The following CAMKK1 variants were observed in gnomAD, a reference collection of about 807,000 sequenced individuals.
CAMKK1 encodes calcium/calmodulin dependent protein kinase kinase 1.
Under a neutral mutation model 63.5 loss-of-function variants are expected in CAMKK1, and 20 were observed. The observed-to-expected ratio is 0.32, with a 90% CI of 0.22 to 0.46. The LOEUF is 0.46. CAMKK1 is among the 20% of genes least tolerant of loss of function. The probability of loss-of-function intolerance (pLI) is 1.00; values close to 1 mark genes in which losing one functional copy is unlikely to be tolerated. For synonymous variants in CAMKK1, 253 were observed against 269.0 expected, an observed-to-expected ratio of 0.94 and a Z score of 0.58; for missense variants, 588 against 658.1, an observed-to-expected ratio of 0.89 and a Z score of 1.17.
intron 1 of CAMKK1, among the ~76,000 whole-genome samples, chr17:3,891,058 C>T (rs7216488): frequency 0.36 from 53,996 of 150,550 alleles, 10,399 homozygotes; most frequent in African/African-American, 0.51. Context: ...TCCAGGAACT[C>T]GGAATGTCAT....
At chr17:3,864,219 A>G (rs1174871726) in intron 15 of CAMKK1, among the ~76,000 whole-genome samples, 1 of 150,942 alleles carries the variant, frequency 6.6e-6, no homozygotes, top group Non-Finnish European at 1.5e-5. Context: ...AAGTGCTGGG[A>G]TTATAGGCAT....
chr17:3,881,755 A>C, intron 7 of CAMKK1, 107 bp from the exon 8 acceptor site: 1 of 1,024,606 alleles, frequency 9.8e-7, no homozygotes, highest in Non-Finnish European at 1.5e-6. Flanking sequence ...ATGCAGGCAT[A>C]CTCGAGGCAG....
At chr17:3,869,675 G>T (rs2054752993) in intron 13 of CAMKK1, 60 bp from the exon 14 acceptor site, 1 of 1,612,460 alleles carries the variant, frequency 6.2e-7, no homozygotes, top group Non-Finnish European at 8.5e-7. Flanking sequence ...AGAATCACCT[G>T]GAGGGGTCCA....
chr17:3,885,431 G>C lies in CAMKK1; in HGVS notation c.257C>G (p.Ala86Gly). 6.2e-7 allele frequency: 1 copy of C among 1,612,846 alleles called. No homozygotes were observed. The highest frequency in any genetic ancestry group is 8.5e-7 in the Non-Finnish European group (1 of 1,179,900). The change falls in exon 2 of 16, where the codon GCG (alanine) becomes GGG (glycine). Residue 86 changes from alanine to glycine, a missense_variant. Ala to Gly is a moderately conservative substitution (Grantham distance 60, BLOSUM62 0). Around this residue, in one of 3 missense-constraint regions of CAMKK1, gnomAD observed 357 missense variants for 407.4 expected, o/e 0.88. Coordinates refer to ENST00000348335, the MANE Select transcript of CAMKK1 (RefSeq NM_032294.3). ...CCCCGTGGCATAAGGCCCAGCCTGC[G>C]CCTCCAGATAGCTTCCTGCTGGCCG... is the stretch of plus-strand genomic sequence containing the variant. ...QERPAGSYLE[A>G]QAGPYATGPA...
intron 14 of CAMKK1, among the ~76,000 whole-genome samples, 156 bp from the exon 15 acceptor site, chr17:3,866,167 G>A (rs570191120): frequency 6.6e-6 from 1 of 152,352 alleles, no homozygotes; most frequent in African/African-American, 2.4e-5. Context: ...AACACGGGGC[G>A]CTGGCAGCTG....
Position 3,869,817 on chromosome 17 carries a change from C to T in CAMKK1, c.1196G>A (p.Gly399Glu). Residue 399 changes from glycine to glutamate, a missense_variant, in exon 13 of 16, where the codon GGG becomes GAG. Physicochemically the swap from Gly to Glu is moderately conservative, Grantham distance 98. Transcript: ENST00000348335. ...TTCCCCGACCTTGATGTCTGGCACC[C>T]CAATTCTCGTCTCGGGATTCTTGTC... is the stretch of plus-strand genomic sequence containing the variant. Reference protein sequence around the residue: ...MLDKNPETRIGVPDIKLHPWV... With the variant: ...MLDKNPETRIEVPDIKLHPWV... The T allele has an allele frequency of 1.1e-5, 17 of 1,614,204 alleles. No individual in the cohort carries two copies. The highest frequency in any genetic ancestry group is 1.4e-5 in the Non-Finnish European group (16 of 1,180,012).
chr17:3,871,934 C>A (rs538088264), intron 12 of CAMKK1, among the ~76,000 whole-genome samples: 3 of 152,330 alleles, frequency 2.0e-5, no homozygotes, highest in East Asian at 1.9e-4. Flanking sequence ...GCGTGAGCCA[C>A]CGCACCCGGC....
chr17:3,882,666 T>A lies in CAMKK1; in HGVS notation c.649-102A>T. ...CCAGCCCCAGAACCCTTAGTATGCA[T>A]GCAACCACCCCAGACAAGGAAGCAG... On this transcript the variant is annotated intron_variant, in intron 6 of 15. Transcript: ENST00000348335. This position sits in a 1 kb window ranked among gnomAD's most constrained non-coding sequence, Gnocchi z 4.3. 1 of 1,082,316 alleles carries A rather than the reference T, an allele frequency of 9.2e-7. No homozygotes were observed. The highest frequency in any genetic ancestry group is 1.6e-5 in the African/African-American group (1 of 63,844). The allele number at this position is 1,082,316 out of a possible 1,614,324, so 67.0% of individuals were successfully genotyped here.
At position 3,882,207 on chromosome 17, in the gene CAMKK1, C is replaced by T; in HGVS notation, c.685+321G>A. The T allele has an allele frequency of 1.5e-6, 2 of 1,333,990 alleles. No individual in the cohort carries two copies. Among genetic ancestry groups the T allele is most frequent in the Non-Finnish European group, 2.1e-6 (2 of 949,566 alleles). The allele number at this position is 1,333,990 out of a possible 1,614,324, so 82.6% of individuals were successfully genotyped here. On this transcript the variant is annotated intron_variant, in intron 7 of 15. Coordinates refer to ENST00000348335, the MANE Select transcript of CAMKK1 (RefSeq NM_032294.3). This position sits in a 1 kb window ranked among gnomAD's most constrained non-coding sequence, Gnocchi z 4.3. ...TGTTTTATAGGTGGGAAAACTGAGG[C>T]ACAGAGCTACAGTGTCTGGGAACCC...
At position 3,890,766 on chromosome 17, in the gene CAMKK1, G is replaced by A. The variant is rs117677422; in HGVS notation, c.-44+2173C>T. The A allele has an allele frequency of 1.2e-3, 971 of 779,730 alleles. 2 individuals carry two copies. The highest frequency in any genetic ancestry group is 1.9e-3 in the Non-Finnish European group (780 of 417,956). The allele number at this position is 779,730 out of a possible 1,614,324, so 48.3% of individuals were successfully genotyped here. ...GCTGCCAGGCCTCAGTACAAGCTGT[G>A]CCTTCTGCCAGGAACACACCTCCCT... On this transcript the variant is annotated intron_variant, in intron 1 of 15. Transcript: ENST00000348335. The surrounding 1 kb of genome is among the most constrained non-coding windows in gnomAD (Gnocchi z 6.5).
chr17:3,866,788 C>T (rs924865219), intron 14 of CAMKK1, among the ~76,000 whole-genome samples: 21 of 152,030 alleles, frequency 1.4e-4, no homozygotes, highest in Admixed American at 1.3e-4. Context: ...GGCACAATCT[C>T]GGCTCACTGC....
Position 3,862,819 on chromosome 17 carries a change from TAAAA to T in CAMKK1, c.1446-540_1446-537del, listed in dbSNP as rs1208612697. 1.3e-5 allele frequency among the ~76,000 whole-genome samples: 2 copies of T among 152,092 alleles called. No homozygotes were observed. Among genetic ancestry groups the T allele is most frequent in the Non-Finnish European group, 2.9e-5 (2 of 68,022 alleles). On this transcript the variant is annotated intron_variant, in intron 15 of 15. Coordinates refer to ENST00000348335, the MANE Select transcript of CAMKK1 (RefSeq NM_032294.3). This position sits in a 1 kb window ranked among gnomAD's most constrained non-coding sequence, Gnocchi z 4.1. ...TAATTTTTGTATTTTTTTATCTCTA[TAAAA>T]ACAGGGTTTCACCATGTTGCCCAGG...
Position 3,864,081 on chromosome 17 carries a change from T to C in CAMKK1, c.1446-1798A>G, listed in dbSNP as rs552288568. On this transcript the variant is annotated intron_variant, in intron 15 of 15. Coordinates refer to ENST00000348335, the MANE Select transcript of CAMKK1 (RefSeq NM_032294.3). Reference sequence around the variant, plus strand: ...AATCCTCCCACCTCAGCCTCCTGAGTTGCTGGGACTACAGGCACCCACCAC... The same window carrying C: ...AATCCTCCCACCTCAGCCTCCTGAGCTGCTGGGACTACAGGCACCCACCAC... 9.9e-5 allele frequency among the ~76,000 whole-genome samples: 15 copies of C among 151,382 alleles called. No homozygotes were observed. In the South Asian group the frequency reaches 2.9e-3, roughly 30 times the overall value.
chr17:3,884,962 G>A lies in CAMKK1; in HGVS notation c.360+366C>T, dbSNP rs975230781. 6.6e-6 allele frequency among the ~76,000 whole-genome samples: 1 copy of A among 152,216 alleles called. No individual in the cohort carries two copies. Among genetic ancestry groups the A allele is most frequent in the Non-Finnish European group, 1.5e-5 (1 of 68,040 alleles). On this transcript the variant is annotated intron_variant, in intron 2 of 15. Transcript: ENST00000348335. This position sits in a 1 kb window ranked among gnomAD's most constrained non-coding sequence, Gnocchi z 4.5. ...CTGGAGGCAGGCCGGCCGCTTCTGA[G>A]TCACAGCAGACTCTAAGAGGCAGAA...
chr17:3,877,903 T>C (rs888392188), intron 9 of CAMKK1, among the ~76,000 whole-genome samples: 13 of 152,184 alleles, frequency 8.5e-5, no homozygotes, highest in African/African-American at 2.7e-4. Flanking sequence ...TCTCTGTATA[T>C]CTGAACACAG....
chr17:3,885,391 G>C lies in CAMKK1; in HGVS notation c.297C>G (p.Ile99Met), dbSNP rs768319996. The change falls in exon 2 of 16, where the codon ATC becomes ATG. Residue 99 changes from isoleucine to methionine, a missense_variant. This residue lies in a region of CAMKK1 where 357 missense variants were observed against 407.4 expected (regional missense o/e 0.88). Coordinates refer to ENST00000348335, the MANE Select transcript of CAMKK1 (RefSeq NM_032294.3). Reference protein sequence around the residue: ...GPYATGPASHISPRAWRRPTI... With the variant: ...GPYATGPASHMSPRAWRRPTI... ...TGGGCCTCCGCCAGGCCCGGGGGGA[G>C]ATGTGGCTGGCAGGCCCCGTGGCAT... 1.2e-6 allele frequency: 2 copies of C among 1,611,260 alleles called. No individual in the cohort carries two copies. The highest frequency in any genetic ancestry group is 1.7e-6 in the Non-Finnish European group (2 of 1,179,024).
rs993821145 is a variant in CAMKK1, at chr17:3,892,042, CT to C, written c.-44+896del. On this transcript the variant is annotated intron_variant, in intron 1 of 15. Transcript: ENST00000348335. The surrounding 1 kb of genome is among the most constrained non-coding windows in gnomAD (Gnocchi z 7.5). ...ATGTACTGGAGGAAAGAGGGCAGGG[CT>C]TGGGGAGGCCAGCGCCACTTCCCTG... is the stretch of plus-strand genomic sequence containing the variant. 6.6e-6 allele frequency among the ~76,000 whole-genome samples: 1 copy of C among 152,070 alleles called. No individual in the cohort carries two copies. Among genetic ancestry groups the C allele is most frequent in the African/African-American group, 2.4e-5 (1 of 41,388 alleles).
Position 3,861,958 on chromosome 17 carries a change from G to T in CAMKK1, c.*253C>A, listed in dbSNP as rs2054343148. ...GGGCACCCGGTTTCCCCACAGAATG[G>T]GTCAGGCCAAGGAGGTCCAAGAAGA... On this transcript the variant is annotated 3_prime_UTR_variant, in exon 16 of 16. Transcript: ENST00000348335. 2 of 526,284 alleles carry T rather than the reference G, an allele frequency of 3.8e-6. No individual in the cohort carries two copies. Among genetic ancestry groups the T allele is most frequent in the African/African-American group, 3.8e-5 (2 of 52,468 alleles). 32.6% of individuals were successfully genotyped at this position (526,284 alleles called of 1,614,324 possible).
chr17:3,892,288 G>A lies in CAMKK1; in HGVS notation c.-44+651C>T, dbSNP rs1267510347. 6.6e-6 allele frequency among the ~76,000 whole-genome samples: 1 copy of A among 151,438 alleles called. No individual in the cohort carries two copies. The highest frequency in any genetic ancestry group is 1.5e-5 in the Non-Finnish European group (1 of 67,860). On this transcript the variant is annotated intron_variant, in intron 1 of 15. Coordinates refer to ENST00000348335, the MANE Select transcript of CAMKK1 (RefSeq NM_032294.3). This position sits in a 1 kb window ranked among gnomAD's most constrained non-coding sequence, Gnocchi z 7.5. ...CATCCTGTCCTGCACCCCCCACGCA[G>A]ACACAGGCACACTCCCGCGTCCACG...
Sources: allele counts gnomAD v4.1 joint callset (sites outside exome capture counted in the v4.1 genomes callset), GRCh38; gene constraint gnomAD v4.1.1; regional missense constraint gnomAD v4.1.1; non-coding constraint Gnocchi (gnomAD v3.1); transcripts MANE v1.5; gene names NCBI Gene and HGNC (gene_info 2026-07-23, HGNC 2026-07-21).